ZNF792: variants seen among roughly 807,000 people sequenced by gnomAD.
ZNF792 encodes zinc finger protein 792.
In ZNF792, 14 loss-of-function variants were observed where a neutral mutation model predicts 13.1. The observed-to-expected ratio is 1.07, with a 90% CI of 0.71 to 1.67. ZNF792 has a LOEUF of 1.67. Ranked by LOEUF, ZNF792 falls within the 40% of genes most tolerant of loss-of-function variation. The probability of loss-of-function intolerance (pLI) is 0.00; values close to 1 mark genes in which losing one functional copy is unlikely to be tolerated. For synonymous variants in ZNF792, 257 were observed against 292.0 expected, an observed-to-expected ratio of 0.88 and a Z score of 1.22; for missense variants, 740 against 807.9, an observed-to-expected ratio of 0.92 and a Z score of 1.02.
At chr19:34,961,857 C>T (rs2151683116) in intron 1 of ZNF792, among the ~76,000 whole-genome samples, 1 of 152,338 alleles carries the variant, frequency 6.6e-6, no homozygotes, top group South Asian at 2.1e-4. Flanking sequence ...CCACAGAAGC[C>T]TGGTGAGAAC....
rs953295127 is a variant in ZNF792, at chr19:34,959,061, T to A, written c.794A>T (p.Asn265Ile). ...KCCESGDAFNNKSTLVQHQRI... is the reference protein window; with the variant it reads ...KCCESGDAFNIKSTLVQHQRI... The stretch of plus-strand genomic sequence containing the variant: ...CTGGTGCTGAACAAGAGTGGATTTG[T>A]TATTGAAGGCATCCCCAGATTCACA... The change falls in exon 4 of 4, where the codon AAC becomes ATC. Residue 265 changes from asparagine (N) to isoleucine (I), a missense_variant. Asn to Ile is a moderately radical substitution (Grantham distance 149). Transcript: ENST00000404801. 3 of 1,614,080 alleles carry A rather than the reference T, an allele frequency of 1.9e-6. No homozygotes were observed. In the African/African-American group the frequency reaches 4.0e-5, roughly 22 times the overall value.
chr19:34,960,130 C>A, intron 3 of ZNF792, 105 bp downstream of exon 3: 1 of 1,490,688 alleles, frequency 6.7e-7, no homozygotes, highest in Non-Finnish European at 9.2e-7. Flanking sequence ...CGTGGTCTGG[C>A]TACTGGCATT....
At position 34,963,645 on chromosome 19, in the gene ZNF792, C is replaced by T. The variant is rs759483887; in HGVS notation, c.18G>A (p.Leu6=). 25 of 1,601,918 alleles carry T rather than the reference C, an allele frequency of 1.6e-5. No individual in the cohort carries two copies. The highest frequency in any genetic ancestry group is 2.0e-5 in the Non-Finnish European group (23 of 1,175,456). MAAAA[L]RDPAQGCVTF... ...AAGCACTCACCTGCGCGGGGTCCCG[C>T]AGCGCCGCCGCTGCCATCGGAGTCT... is the stretch of plus-strand genomic sequence containing the variant. Residue 6 remains leucine, a synonymous_variant, in exon 1 of 4, where the codon CTG becomes CTA. Transcript: ENST00000404801.
chr19:34,963,507 G>T, intron 1 of ZNF792, 123 bp downstream of exon 1: 2 of 1,406,636 alleles, frequency 1.4e-6, no homozygotes, highest in South Asian at 1.2e-5. Context: ...AGGGTCCCCT[G>T]ACTCAAAAGC....
At chr19:34,960,775 C>A in intron 2 of ZNF792, 93 bp downstream of exon 2, 1 of 1,576,986 alleles carries the variant, frequency 6.3e-7, no homozygotes, top group Non-Finnish European at 8.7e-7. Context: ...GCAGTGCCAG[C>A]GGTCTGGCTG....
In ZNF792 at chr19:34,957,214, G is replaced by C. The variant is rs1038484653; in HGVS notation, c.*742C>G. 1 of 152,224 alleles carries C rather than the reference G, an allele frequency of 6.6e-6. No individual in the cohort carries two copies. The highest frequency in any genetic ancestry group is 6.5e-5 in the Admixed American group (1 of 15,284). 9.4% of individuals were successfully genotyped at this position (152,224 alleles called of 1,614,324 possible). ...GGGAATAAGGGACCCAATTCATGCTGTTCCCACATGCACTGGAGGTTGTCA... is the reference window on the plus strand; with the variant it reads ...GGGAATAAGGGACCCAATTCATGCTCTTCCCACATGCACTGGAGGTTGTCA... On this transcript the variant is annotated 3_prime_UTR_variant, in exon 4 of 4. Transcript: ENST00000404801.
At chr19:34,962,913 T>G (rs1422910833) in intron 1 of ZNF792, among the ~76,000 whole-genome samples, 1 of 152,146 alleles carries the variant, frequency 6.6e-6, no homozygotes, top group Non-Finnish European at 1.5e-5. Flanking sequence ...TAAAGCTGGA[T>G]TCATCAAACC....
intron 2 of ZNF792, 102 bp downstream of exon 2, chr19:34,960,766 C>G: frequency 6.4e-7 from 1 of 1,559,564 alleles, no homozygotes; most frequent in Non-Finnish European, 8.8e-7. Context: ...GGGATGGAAG[C>G]AGTGCCAGCG....
intron 1 of ZNF792, 101 bp downstream of exon 1, chr19:34,963,529 A>G: frequency 6.6e-7 from 1 of 1,506,350 alleles, no homozygotes; most frequent in Admixed American, 2.0e-5. Flanking sequence ...AGGAAATGGG[A>G]AAGGCGAAAA....
In ZNF792 at chr19:34,957,559, A is replaced by C. The variant is rs1418605082; in HGVS notation, c.*397T>G. 5.3e-6 allele frequency: 1 copy of C among 188,546 alleles called. No individual in the cohort carries two copies. Among genetic ancestry groups the C allele is most frequent in the African/African-American group, 2.4e-5 (1 of 42,348 alleles). 11.7% of individuals were successfully genotyped at this position (188,546 alleles called of 1,614,324 possible). On this transcript the variant is annotated 3_prime_UTR_variant, in exon 4 of 4. Transcript: ENST00000404801. ...AGGAGATAAGTTGTTGTGTAGAGTA[A>C]CATGAAGGCTGGACAAATCCTTCAC...
At chr19:34,960,743 T>A in intron 2 of ZNF792, 125 bp downstream of exon 2, 1 of 1,456,158 alleles carries the variant, frequency 6.9e-7, no homozygotes, top group Non-Finnish European at 9.5e-7. Flanking sequence ...ACAACACACA[T>A]ACCAGGAAAG....
chr19:34,961,100 C>G, intron 1 of ZNF792, 106 bp from the exon 2 acceptor site: 3 of 1,483,230 alleles, frequency 2.0e-6, no homozygotes, highest in Non-Finnish European at 2.7e-6. Flanking sequence ...CAGGAGGTAG[C>G]AGGCCCTGGT....
rs1050074929 is a variant in ZNF792 at position 34,959,604 on chromosome 19, TAA to T, written c.284-35_284-34del. 3 of 1,513,374 alleles carry T rather than the reference TAA, an allele frequency of 2.0e-6. No homozygotes were observed. The African/African-American group carries it at 4.2e-5, about 21-fold the overall frequency. 93.7% of individuals were successfully genotyped at this position (1,513,374 alleles called of 1,614,324 possible). On this transcript the variant is annotated intron_variant, in intron 3 of 3. Coordinates refer to ENST00000404801, the MANE Select transcript of ZNF792 (RefSeq NM_175872.5). ...CAGAGAAATGCTGGTGAAGTTCGTA[TAA>T]ACTTTAATAGAAGGAAAGAGCCCCA...
Position 34,959,074 on chromosome 19 carries a change from C to A in ZNF792, c.781G>T (p.Asp261Tyr), listed in dbSNP as rs2013484112. The change falls in exon 4 of 4, where the codon GAT (aspartate) becomes TAT (tyrosine). Residue 261 changes from aspartate to tyrosine, a missense_variant. Coordinates refer to ENST00000404801, the MANE Select transcript of ZNF792 (RefSeq NM_175872.5). ...LRHNKCCESG[D>Y]AFNNKSTLVQ... ...AGAGTGGATTTGTTATTGAAGGCAT[C>A]CCCAGATTCACAGCACTTGTTATGC... 1 of 1,614,124 alleles carries A rather than the reference C, an allele frequency of 6.2e-7. No individual in the cohort carries two copies. Among genetic ancestry groups the A allele is most frequent in the Non-Finnish European group, 8.5e-7 (1 of 1,179,974 alleles).
intron 2 of ZNF792, chr19:34,960,661 G>T: frequency 1.3e-6 from 1 of 796,974 alleles, no homozygotes; most frequent in Non-Finnish European, 2.0e-6. Context: ...TCCCTGCAAG[G>T]CTTCAGGCAG....
chr19:34,962,026 A>C (rs907890804), intron 1 of ZNF792, among the ~76,000 whole-genome samples: 1 of 152,096 alleles, frequency 6.6e-6, no homozygotes, highest in Non-Finnish European at 1.5e-5. Flanking sequence ...CATCACCACC[A>C]TGACCACTAC....
In ZNF792 at chr19:34,958,804, A is replaced by T. The variant is rs2013478059; in HGVS notation, c.1051T>A (p.Ser351Thr). The T allele has an allele frequency of 1.9e-6, 3 of 1,613,878 alleles. No homozygotes were observed. The highest frequency in any genetic ancestry group is 2.5e-6 in the Non-Finnish European group (3 of 1,179,972). Residue 351 changes from serine to threonine, a missense_variant, in exon 4 of 4, where the codon TCC becomes ACC. By Grantham distance (58) the Ser-to-Thr change is moderately conservative. Transcript: ENST00000404801. ...ACCCTCTTATGCTGAATGAGGTTGG[A>T]GCTTCGGCTGAAGAATTTCCCACAG... is the stretch of plus-strand genomic sequence containing the variant. The part of the protein sequence containing the change: ...GDCGKFFSRS[S>T]NLIQHKRVHT...
At chr19:34,963,482 G>C in intron 1 of ZNF792, 148 bp downstream of exon 1, 1 of 1,149,830 alleles carries the variant, frequency 8.7e-7, no homozygotes, top group Non-Finnish European at 1.3e-6. Context: ...TCCTAGCTGG[G>C]AGCAACTCCC....
In ZNF792 at chr19:34,959,515, C is replaced by T. The variant is rs757736763; in HGVS notation, c.340G>A (p.Glu114Lys). ...GGACTCCTGTCCTGTGCCACTCCTT[C>T]TACAGAAACGTTATGCTCAGAAGGT... is the stretch of plus-strand genomic sequence containing the variant. ...DLPSEHNVSV[E>K]GVAQDRSPEA... Residue 114 changes from glutamate (E) to lysine (K), a missense_variant, in exon 4 of 4, where the codon GAA (glutamate) becomes AAA (lysine). Transcript: ENST00000404801. 35 of 1,588,104 alleles carry T rather than the reference C, an allele frequency of 2.2e-5. No homozygotes were observed. The highest frequency in any genetic ancestry group is 3.5e-5 in the Admixed American group (2 of 56,544).
Sources: gnomAD v4.1 joint callset for allele counts (sites outside exome capture counted in the v4.1 genomes callset) on GRCh38, gnomAD v4.1.1 for gene constraint, MANE v1.5 for transcripts, NCBI Gene and HGNC (gene_info 2026-07-23, HGNC 2026-07-21) for gene names.